Variants in UBE2E2 observed in about 807,000 individuals in gnomAD.
The protein encoded by UBE2E2 is ubiquitin conjugating enzyme E2 E2, also known as ubiquitin-conjugating enzyme E2 E2.
A neutral mutation model predicts 24.7 loss-of-function variants in UBE2E2; 6 were observed. That is an observed-to-expected ratio of 0.24 (90% CI 0.13 to 0.48). The LOEUF (loss-of-function observed/expected upper bound fraction) is 0.48. Among genes scored for constraint, UBE2E2 ranks in the 20% least tolerant of loss-of-function variants. The pLI is 0.99. For synonymous variants in UBE2E2, 104 were observed against 83.6 expected, an observed-to-expected ratio of 1.24 and a Z score of -1.33; for missense variants, 169 against 245.0, an observed-to-expected ratio of 0.69 and a Z score of 2.07.
intron 3 of UBE2E2, among the ~76,000 whole-genome samples, chr3:23,349,499 C>T (rs536191772): frequency 8.5e-5 from 13 of 152,274 alleles, no homozygotes; most frequent in South Asian, 6.2e-4. Flanking sequence ...GGGTGACAGA[C>T]GGCACCTGGA....
Position 23,511,078 on chromosome 3 carries a change from A to G in UBE2E2, c.360+11338A>G, listed in dbSNP as rs556426395. ...TGAGCAATGGCATGCCCCATCTTGC[A>G]TAGAATTTACATTCAAGGTATGGTA... On this transcript the variant is annotated intron_variant, in intron 4 of 5. Coordinates refer to ENST00000396703, the MANE Select transcript of UBE2E2 (RefSeq NM_152653.4). Among the ~76,000 whole-genome samples, 13 of 152,366 alleles carry G rather than the reference A, an allele frequency of 8.5e-5. No homozygotes were observed. The South Asian group carries it at 1.9e-3, about 22-fold the overall frequency.
At chr3:23,294,174 A>G (rs1327765785) in intron 3 of UBE2E2, among the ~76,000 whole-genome samples, 7 of 152,250 alleles carry the variant, frequency 4.6e-5, no homozygotes, top group Admixed American at 3.3e-4. Context: ...ATTTTCAGCT[A>G]GATAATTCTA....
intron 3 of UBE2E2, among the ~76,000 whole-genome samples, chr3:23,269,800 C>G (rs1037366961): frequency 6.6e-6 from 1 of 152,062 alleles, no homozygotes; most frequent in Non-Finnish European, 1.5e-5. Flanking sequence ...AGAAATCATA[C>G]AGGGAGGAAA....
intron 5 of UBE2E2, among the ~76,000 whole-genome samples, chr3:23,557,051 TAATACTA>T: frequency 6.6e-6 from 1 of 152,330 alleles, no homozygotes; most frequent in Admixed American, 6.5e-5. Flanking sequence ...AAAACACTCC[TAATACTA>T]AACATTGAAA....
intron 3 of UBE2E2, among the ~76,000 whole-genome samples, chr3:23,252,611 C>T (rs1697605267): frequency 6.6e-6 from 1 of 152,340 alleles, no homozygotes; most frequent in Middle Eastern, 3.4e-3. Context: ...ATTCTCCTGC[C>T]TCAGCCTCCT....
At chr3:23,402,450 T>C (rs2125372732) in intron 3 of UBE2E2, among the ~76,000 whole-genome samples, 1 of 152,292 alleles carries the variant, frequency 6.6e-6, no homozygotes, top group East Asian at 1.9e-4. Context: ...CTAGTGGACA[T>C]TTCCCAAAAA....
intron 3 of UBE2E2, among the ~76,000 whole-genome samples, chr3:23,343,433 G>C (rs1023456813): frequency 6.6e-6 from 1 of 151,938 alleles, no homozygotes; most frequent in African/African-American, 2.4e-5. Flanking sequence ...AAAATTAGCT[G>C]GGTGTCGTGG....
intron 4 of UBE2E2, 32 bp downstream of exon 4, chr3:23,499,772 A>T (rs1203813174): frequency 1.9e-6 from 3 of 1,605,712 alleles, no homozygotes; most frequent in South Asian, 2.2e-5. Context: ...ATTTTTAGCA[A>T]TATGGATTAT....
chr3:23,450,707 C>T (rs1477545507), intron 3 of UBE2E2, among the ~76,000 whole-genome samples: 1 of 152,018 alleles, frequency 6.6e-6, no homozygotes, highest in East Asian at 1.9e-4. Flanking sequence ...TTATTTTCTA[C>T]TTTACGTTTT....
chr3:23,338,646 G>A lies in UBE2E2; in HGVS notation c.227+121334G>A, dbSNP rs146520517. Among the ~76,000 whole-genome samples the A allele has an allele frequency of 5.1e-3, 780 of 152,114 alleles. 2 individuals are homozygous for A. The highest frequency in any genetic ancestry group is 9.0e-3 in the Non-Finnish European group (613 of 67,988). ...AAGTACAGGATGAAAGTGGCAAAAT[G>A]TTCAAAAAATGATGGGAGCATGTCA... On this transcript the variant is annotated intron_variant, in intron 3 of 5. Coordinates refer to ENST00000396703, the MANE Select transcript of UBE2E2 (RefSeq NM_152653.4).
chr3:23,492,517 T>G (rs1699519868), intron 3 of UBE2E2, among the ~76,000 whole-genome samples: 1 of 152,212 alleles, frequency 6.6e-6, no homozygotes, highest in Non-Finnish European at 1.5e-5. Context: ...ACAGCAATTC[T>G]CACTTGCTGT....
intron 3 of UBE2E2, among the ~76,000 whole-genome samples, chr3:23,412,603 A>C (rs778467): frequency 0.67 from 101,820 of 152,070 alleles, 36,016 homozygotes; most frequent in African/African-American, 0.91. Context: ...TCAACTCAGA[A>C]ACAGGACTTA....
At chr3:23,499,830 A>G in intron 4 of UBE2E2, 90 bp downstream of exon 4, 1 of 1,418,350 alleles carries the variant, frequency 7.1e-7, no homozygotes, top group Non-Finnish European at 9.4e-7. Flanking sequence ...CTAGGGATGC[A>G]TGTCTATTCT....
chr3:23,291,247 G>A (rs578140693), intron 3 of UBE2E2, among the ~76,000 whole-genome samples: 2 of 152,072 alleles, frequency 1.3e-5, no homozygotes, highest in East Asian at 3.8e-4. Context: ...CTGGCTGCAA[G>A]CTTTTGTGCA....
chr3:23,370,308 A>G (rs1696370596), intron 3 of UBE2E2, among the ~76,000 whole-genome samples: 2 of 152,184 alleles, frequency 1.3e-5, no homozygotes, highest in African/African-American at 2.4e-5. Context: ...TCTGTGACAC[A>G]CTAGTGAGGA....
At chr3:23,537,255 C>T (rs921481907) in intron 5 of UBE2E2, among the ~76,000 whole-genome samples, 1 of 152,112 alleles carries the variant, frequency 6.6e-6, no homozygotes, top group Non-Finnish European at 1.5e-5. Context: ...TCGTAAGCAA[C>T]CATGAAGTCT....
intron 3 of UBE2E2, among the ~76,000 whole-genome samples, chr3:23,377,894 T>A (rs1451528054): frequency 6.6e-6 from 1 of 152,208 alleles, no homozygotes; most frequent in Non-Finnish European, 1.5e-5. Context: ...ATCTCTTATG[T>A]ACATGTGTAT....
intron 3 of UBE2E2, among the ~76,000 whole-genome samples, chr3:23,332,874 AC>A (rs1695102722): frequency 6.6e-6 from 1 of 152,106 alleles, no homozygotes; most frequent in African/African-American, 2.4e-5. Context: ...GAAACCCAGC[AC>A]TTTATAAGAC....
intron 3 of UBE2E2, among the ~76,000 whole-genome samples, chr3:23,302,847 G>T (rs1163514835): frequency 6.6e-6 from 1 of 152,150 alleles, no homozygotes; most frequent in Non-Finnish European, 1.5e-5. Context: ...GTGGGCTATA[G>T]ACTGCTGATC....
Sources: gnomAD v4.1 joint callset for allele counts (sites outside exome capture counted in the v4.1 genomes callset) on GRCh38, gnomAD v4.1.1 for gene constraint, MANE v1.5 for transcripts, NCBI Gene and HGNC (gene_info 2026-07-23, HGNC 2026-07-21) for gene names.